RASSF3: variants seen among roughly 807,000 people sequenced by gnomAD.
RASSF3 encodes ras association domain-containing protein 3.
RASSF3 carries 19 observed loss-of-function variants against 19.9 expected under a neutral mutation model. That is an observed-to-expected ratio of 0.96 (90% CI 0.67 to 1.40). RASSF3 has a LOEUF of 1.40. RASSF3 is among the 40% of genes most tolerant of loss of function. The probability of loss-of-function intolerance (pLI) is 0.00; values close to 1 mark genes in which losing one functional copy is unlikely to be tolerated. For synonymous variants in RASSF3, 110 were observed against 104.2 expected, an observed-to-expected ratio of 1.06 and a Z score of -0.34; for missense variants, 306 against 289.8, an observed-to-expected ratio of 1.06 and a Z score of -0.41.
chr12:64,528,991 T>C (rs1263200688), upstream of RASSF3, among the ~76,000 whole-genome samples: 1 of 152,186 alleles, frequency 6.6e-6, no homozygotes, highest in East Asian at 1.9e-4. Context: ...TCCTCACAGG[T>C]TGCTGAAAAA....
chr12:64,586,491 GA>G (rs10708538), intron 2 of RASSF3, among the ~76,000 whole-genome samples: 24,382 of 68,880 alleles, frequency 0.35, 1,032 homozygotes, highest in Middle Eastern at 0.45. Flanking sequence ...CTCCTTCTCA[GA>G]AAAAAAAAAA....
chr12:64,613,327 G>A (rs12818251), intron 1 of RASSF3, among the ~76,000 whole-genome samples: 40,231 of 151,510 alleles, frequency 0.27, 5,494 homozygotes, highest in East Asian at 0.41. Context: ...TTGCTAGAAG[G>A]ATCTATTAGA....
chr12:64,578,533 C>T (rs1386617878), intron 2 of RASSF3, among the ~76,000 whole-genome samples: 3 of 152,162 alleles, frequency 2.0e-5, no homozygotes, highest in Non-Finnish European at 2.9e-5. Context: ...ATAGGGCAAG[C>T]CTGGAGTCCC....
At chr12:64,639,771 G>A (rs1456258885) in intron 1 of RASSF3, among the ~76,000 whole-genome samples, 1 of 152,016 alleles carries the variant, frequency 6.6e-6, no homozygotes, top group African/African-American at 2.4e-5. Flanking sequence ...TTATGTAACT[G>A]CATTCTTCAA....
chr12:64,672,013 G>A (rs937337812), intron 1 of RASSF3, among the ~76,000 whole-genome samples: 2 of 152,112 alleles, frequency 1.3e-5, no homozygotes, highest in Non-Finnish European at 2.9e-5. Flanking sequence ...TTAACCCCCT[G>A]TGGCCCTCTT....
At chr12:64,660,507 A>G (rs575118655) in intron 1 of RASSF3, among the ~76,000 whole-genome samples, 1 of 152,298 alleles carries the variant, frequency 6.6e-6, no homozygotes, top group South Asian at 2.1e-4. Flanking sequence ...TGAGGGACAA[A>G]TACAACTTTG....
chr12:64,570,414 T>A (rs1343258918), intron 2 of RASSF3, among the ~76,000 whole-genome samples: 1 of 152,178 alleles, frequency 6.6e-6, no homozygotes, highest in Non-Finnish European at 1.5e-5. Flanking sequence ...AATAATAATA[T>A]CAAGGGACAA....
At chr12:64,619,825 C>A (rs1870684401) in intron 1 of RASSF3, among the ~76,000 whole-genome samples, 1 of 151,796 alleles carries the variant, frequency 6.6e-6, no homozygotes, top group South Asian at 2.1e-4. Flanking sequence ...ACTAAAAATA[C>A]AAAAATTAGG....
chr12:64,694,994 T>C lies in RASSF3; in HGVS notation c.*82T>C. 1 of 1,476,844 alleles carries C rather than the reference T, an allele frequency of 6.8e-7. No homozygotes were observed. The highest frequency in any genetic ancestry group is 1.2e-5 in the South Asian group (1 of 82,666). The allele number at this position is 1,476,844 out of a possible 1,614,324, so 91.5% of individuals were successfully genotyped here. A position where few individuals can be genotyped will look rare whatever the true frequency, so the allele number is the denominator to read the frequency against. ...AGTGCCTCTCTTCTCAGAGGGCTGCTGTCTTGCCCCACTATGCTAGGGTCT... is the reference window on the plus strand; with the variant it reads ...AGTGCCTCTCTTCTCAGAGGGCTGCCGTCTTGCCCCACTATGCTAGGGTCT... On this transcript the variant is annotated 3_prime_UTR_variant, in exon 5 of 5. Coordinates refer to ENST00000542104, the MANE Select transcript of RASSF3 (RefSeq NM_178169.4).
Position 64,659,688 on chromosome 12 carries a change from C to T in RASSF3, c.112-25099C>T, listed in dbSNP as rs60324453. The stretch of plus-strand genomic sequence containing the variant: ...TATTGCTGGGCATGGTGGCTCATGC[C>T]TGTAATCCCAGCACTTTGGGAGGCT... On this transcript the variant is annotated intron_variant, in intron 1 of 4. Coordinates refer to ENST00000542104, the MANE Select transcript of RASSF3 (RefSeq NM_178169.4). 3.6e-3 allele frequency among the ~76,000 whole-genome samples: 551 copies of T among 152,190 alleles called. 6 individuals carry two copies. Among genetic ancestry groups the T allele is most frequent in the African/African-American group, 0.013 (538 of 41,518 alleles).
At chr12:64,660,663 T>G (rs1423916770) in intron 1 of RASSF3, among the ~76,000 whole-genome samples, 1 of 152,224 alleles carries the variant, frequency 6.6e-6, no homozygotes, top group Non-Finnish European at 1.5e-5. Flanking sequence ...TTTAACGTAT[T>G]TTTTCCCAGT....
intron 1 of RASSF3, among the ~76,000 whole-genome samples, chr12:64,683,767 G>C (rs894857084): frequency 2.6e-5 from 4 of 152,300 alleles, no homozygotes; most frequent in South Asian, 2.1e-4. Context: ...AATCTAGCAG[G>C]CATGCTGAGG....
At chr12:64,678,648 CAAAAAAA>C (rs767180678) in intron 1 of RASSF3, among the ~76,000 whole-genome samples, 1 of 90,908 alleles carries the variant, frequency 1.1e-5, no homozygotes, top group South Asian at 4.5e-4. Flanking sequence ...TCCGTAATAC[CAAAAAAA>C]AAAAAAAAAA....
At chr12:64,616,109 A>G (rs1415282523) in intron 1 of RASSF3, among the ~76,000 whole-genome samples, 2 of 152,212 alleles carry the variant, frequency 1.3e-5, no homozygotes, top group African/African-American at 4.8e-5. Flanking sequence ...CTTACACGAT[A>G]TTAATCCATT....
intron 1 of RASSF3, among the ~76,000 whole-genome samples, chr12:64,641,421 C>CGCGCGCGT (rs1555213838): frequency 3.5e-4 from 53 of 151,694 alleles, no homozygotes; most frequent in African/African-American, 1.2e-3. Context: ...CACACGCGCG[C>CGCGCGCGT]GCGCGCGTTG....
intron 2 of RASSF3, among the ~76,000 whole-genome samples, chr12:64,578,377 G>A (rs948939240): frequency 2.0e-5 from 3 of 152,216 alleles, no homozygotes; most frequent in Admixed American, 6.5e-5. Flanking sequence ...AATTAGGCCA[G>A]GTGTGGTGGC....
upstream of RASSF3, among the ~76,000 whole-genome samples, chr12:64,529,552 G>A (rs1158156635): frequency 1.3e-5 from 2 of 152,126 alleles, no homozygotes; most frequent in Non-Finnish European, 2.9e-5. Context: ...AACCATGAGA[G>A]AAGACTTTCC....
intron 1 of RASSF3, among the ~76,000 whole-genome samples, chr12:64,616,893 C>T (rs991124460): frequency 6.6e-6 from 1 of 152,196 alleles, no homozygotes; most frequent in African/African-American, 2.4e-5. Context: ...CCTGGAGTTG[C>T]CGCCCTCCAT....
chr12:64,574,029 ACAGTGGCTTACTC>A (rs1869559434), intron 2 of RASSF3, among the ~76,000 whole-genome samples: 1 of 152,128 alleles, frequency 6.6e-6, no homozygotes, highest in African/African-American at 2.4e-5. Flanking sequence ...TGGGCCAGGC[ACAGTGGCTTACTC>A]CTGTAATCCT....
Sources: gnomAD v4.1 joint callset for allele counts (sites outside exome capture counted in the v4.1 genomes callset) on GRCh38, gnomAD v4.1.1 for gene constraint, MANE v1.5 for transcripts, NCBI Gene and HGNC (gene_info 2026-07-23, HGNC 2026-07-21) for gene names.